Variants in SYNPR observed in about 807,000 individuals in gnomAD.
SYNPR encodes the protein synaptoporin.
SYNPR carries 23 observed loss-of-function variants against 32.9 expected under a neutral mutation model. That is an observed-to-expected ratio of 0.70 (90% CI 0.50 to 0.99). The LOEUF is 0.99. SYNPR is among the 50% of genes least tolerant of loss of function. The pLI is 0.00. For synonymous variants in SYNPR, 146 were observed against 135.9 expected (o/e 1.07, Z -0.52); for missense variants, 318 against 349.3 (o/e 0.91, Z 0.71).
chr3:63,570,698 C>A (rs1054463513), intron 4 of SYNPR, among the ~76,000 whole-genome samples: 10 of 152,156 alleles, frequency 6.6e-5, no homozygotes, highest in African/African-American at 2.4e-4. Flanking sequence ...TCTTCTAAAC[C>A]TCCCAGCTCT....
chr3:63,542,640 T>C (rs1255215225), intron 3 of SYNPR, among the ~76,000 whole-genome samples: 1 of 152,112 alleles, frequency 6.6e-6, no homozygotes, highest in Admixed American at 6.6e-5. Context: ...GGACAATCAG[T>C]TGAATAGAGA....
intron 3 of SYNPR, among the ~76,000 whole-genome samples, chr3:63,542,436 A>G (rs1400099047): frequency 1.3e-5 from 2 of 152,266 alleles, no homozygotes; most frequent in East Asian, 1.9e-4. Context: ...ATTAAGCCTC[A>G]GTCTCTGACT....
rs10559096 is a variant in SYNPR at position 63,403,441 on chromosome 3, TACACAC to T, written c.85-77367_85-77362del. Among the ~76,000 whole-genome samples, 34 of 146,018 alleles carry T rather than the reference TACACAC, an allele frequency of 2.3e-4. 1 individual carries two copies. Among genetic ancestry groups the T allele is most frequent in the South Asian group, 6.7e-4 (3 of 4,492 alleles). ...ACATTCTCATACGTATGTATACACA[TACACAC>T]ACACACACACACACACACACACATA... On this transcript the variant is annotated intron_variant, in intron 2 of 5. Transcript: ENST00000478300.
chr3:63,474,697 A>C (rs9841251), intron 2 of SYNPR, among the ~76,000 whole-genome samples: 56,972 of 151,976 alleles, frequency 0.37, 10,713 homozygotes, highest in East Asian at 0.48. Flanking sequence ...TTTGTTGGCA[A>C]ACTCAACTTA....
At chr3:63,291,830 C>CTG (rs879607064) in intron 2 of SYNPR, among the ~76,000 whole-genome samples, 54 of 131,072 alleles carry the variant, frequency 4.1e-4, no homozygotes, top group Non-Finnish European at 3.3e-4. Flanking sequence ...TTCTTTCTTT[C>CTG]TCTCTCTCTC....
intron 3 of SYNPR, among the ~76,000 whole-genome samples, chr3:63,493,200 C>T (rs1259675405): frequency 6.6e-6 from 1 of 152,114 alleles, no homozygotes. Flanking sequence ...CCCAGCCCAT[C>T]CCCAATAGAA....
At chr3:63,579,080 A>G (rs1415423279) in intron 4 of SYNPR, among the ~76,000 whole-genome samples, 2 of 152,070 alleles carry the variant, frequency 1.3e-5, no homozygotes, top group Admixed American at 6.6e-5. Flanking sequence ...TTAAAGTTCA[A>G]CTGCAATTTC....
chr3:63,457,108 G>A (rs1318796323), intron 2 of SYNPR, among the ~76,000 whole-genome samples: 1 of 151,112 alleles, frequency 6.6e-6, no homozygotes, highest in South Asian at 2.1e-4. Flanking sequence ...AGCTAAGAAT[G>A]CCTTTTGTAG....
At chr3:63,293,341 G>GT (rs1174446909) in intron 2 of SYNPR, among the ~76,000 whole-genome samples, 4 of 152,150 alleles carry the variant, frequency 2.6e-5, no homozygotes, top group Non-Finnish European at 5.9e-5. Context: ...GACATGCTAT[G>GT]TAGAGCCGTT....
chr3:63,313,722 TATATATATCCATATATATATATCC>T (rs2086997250), intron 2 of SYNPR, among the ~76,000 whole-genome samples: 1 of 78,932 alleles, frequency 1.3e-5, no homozygotes, highest in African/African-American at 5.0e-5. Flanking sequence ...TATATCCATA[TATATATATCCATATATATATATCC>T]ATATATATAT....
In SYNPR at chr3:63,348,723, T is replaced by C. The variant is rs142603664; in HGVS notation, c.84+69981T>C. On this transcript the variant is annotated intron_variant, in intron 2 of 5. Coordinates refer to ENST00000478300, the MANE Select transcript of SYNPR (RefSeq NM_001130003.2). ...TTTTTTATAGGGTGAGAGATAGATA[T>C]CCAATTTTATTCTTCTGCATGTGGT... Among the ~76,000 whole-genome samples, 6 of 152,322 alleles carry C rather than the reference T, an allele frequency of 3.9e-5. No individual in the cohort carries two copies. In the East Asian group the frequency reaches 7.7e-4, roughly 20 times the overall value.
At chr3:63,239,510 A>G (rs1197819106) in intron 1 of SYNPR, among the ~76,000 whole-genome samples, 1 of 148,518 alleles carries the variant, frequency 6.7e-6, no homozygotes, top group Non-Finnish European at 1.5e-5. Flanking sequence ...ATGGGTAACA[A>G]TGGTAGGATA....
intron 2 of SYNPR, chr3:63,289,521 C>A (rs1198221078): frequency 6.5e-6 from 1 of 153,762 alleles, no homozygotes; most frequent in East Asian, 1.9e-4. Context: ...GTGCCAGTTT[C>A]TTTTTAATAG....
intron 1 of SYNPR, among the ~76,000 whole-genome samples, chr3:63,235,087 G>T (rs1480739782): frequency 6.6e-6 from 1 of 152,168 alleles, no homozygotes; most frequent in Non-Finnish European, 1.5e-5. Flanking sequence ...ACTCATCTGT[G>T]TGTGTATGTG....
chr3:63,317,065 T>A (rs2087051229), intron 2 of SYNPR, among the ~76,000 whole-genome samples: 1 of 149,154 alleles, frequency 6.7e-6, no homozygotes, highest in South Asian at 2.1e-4. Context: ...TGGAGTTGAT[T>A]TCCAGTTTTA....
chr3:63,503,025 T>C (rs927274724), intron 3 of SYNPR, among the ~76,000 whole-genome samples: 2 of 152,154 alleles, frequency 1.3e-5, no homozygotes, highest in African/African-American at 4.8e-5. Flanking sequence ...GGTAAGAGTA[T>C]GTTTAGTTTG....
intron 2 of SYNPR, among the ~76,000 whole-genome samples, chr3:63,406,075 G>C (rs2088355783): frequency 6.6e-6 from 1 of 152,068 alleles, no homozygotes; most frequent in Non-Finnish European, 1.5e-5. Context: ...ACCAGAAGGT[G>C]GCAGAGCTGG....
Position 63,282,526 on chromosome 3 carries a change from A to C in SYNPR, c.84+3784A>C, listed in dbSNP as rs1023438960. Among the ~76,000 whole-genome samples, 6 of 152,272 alleles carry C rather than the reference A, an allele frequency of 3.9e-5. No individual in the cohort carries two copies. The East Asian group carries it at 1.2e-3, about 29-fold the overall frequency. On this transcript the variant is annotated intron_variant, in intron 2 of 5. Coordinates refer to ENST00000478300, the MANE Select transcript of SYNPR (RefSeq NM_001130003.2). The stretch of plus-strand genomic sequence containing the variant: ...ATGTGAGATTGTAAAAAAGGAAAAG[A>C]AATTTAAAAAATTAGGCATTGTGGT...
chr3:63,225,064 C>T (rs923017463), upstream of SYNPR, among the ~76,000 whole-genome samples: 6 of 152,164 alleles, frequency 3.9e-5, no homozygotes, highest in East Asian at 5.8e-4. Context: ...AGGAGACTCT[C>T]GCTATGTCCC....
Sources: gnomAD v4.1 joint callset for allele counts (sites outside exome capture counted in the v4.1 genomes callset) on GRCh38, gnomAD v4.1.1 for gene constraint, MANE v1.5 for transcripts, NCBI Gene and HGNC (gene_info 2026-07-23, HGNC 2026-07-21) for gene names.